The following CDYL2 variants were observed in gnomAD, a reference collection of about 807,000 sequenced individuals.
CDYL2 encodes chromodomain Y-like protein 2.
In CDYL2, 23 loss-of-function variants were observed where a neutral mutation model predicts 49.4. That is an observed-to-expected ratio of 0.47 (90% CI 0.34 to 0.66). The LOEUF is 0.66. Among genes scored for constraint, CDYL2 ranks in the 30% least tolerant of loss-of-function variants. The pLI is 0.01. For synonymous variants in CDYL2, 360 were observed against 268.8 expected (o/e 1.34, Z -3.32); for missense variants, 678 against 656.4 (o/e 1.03, Z -0.36).
chr16:80,753,144 T>G (rs1220309456), intron 1 of CDYL2, among the ~76,000 whole-genome samples: 1 of 152,116 alleles, frequency 6.6e-6, no homozygotes, highest in East Asian at 1.9e-4. Context: ...TAATTTACAC[T>G]TTTCTTTACC....
At chr16:80,652,147 C>A (rs1294904963) in intron 2 of CDYL2, among the ~76,000 whole-genome samples, 1 of 152,064 alleles carries the variant, frequency 6.6e-6, no homozygotes, top group East Asian at 1.9e-4. Context: ...AAGAACATAC[C>A]TGGGGCACAG....
At chr16:80,642,528 G>T (rs1908145490) in intron 2 of CDYL2, among the ~76,000 whole-genome samples, 1 of 152,126 alleles carries the variant, frequency 6.6e-6, no homozygotes, top group Non-Finnish European at 1.5e-5. Context: ...TGAGATATAA[G>T]ATATTATTTG....
intron 1 of CDYL2, among the ~76,000 whole-genome samples, chr16:80,774,903 T>TA (rs71730368): frequency 0.16 from 23,095 of 146,714 alleles, 2,027 homozygotes; most frequent in South Asian, 0.27. Context: ...AGCTAAATAT[T>TA]AAAAAAAAAA....
At chr16:80,714,195 G>C (rs1342126698) in intron 1 of CDYL2, among the ~76,000 whole-genome samples, 1 of 152,112 alleles carries the variant, frequency 6.6e-6, no homozygotes, top group African/African-American at 2.4e-5. Flanking sequence ...CCCTTAGCTT[G>C]ACCCTTGACA....
intron 1 of CDYL2, among the ~76,000 whole-genome samples, chr16:80,754,293 T>A (rs949061527): frequency 1.3e-5 from 2 of 152,040 alleles, no homozygotes; most frequent in Non-Finnish European, 2.9e-5. Context: ...AACCAACAGG[T>A]GGACAGAGCC....
At position 80,620,819 on chromosome 16, in the gene CDYL2, A is replaced by G; in HGVS notation, c.951T>C (p.Ile317=). The G allele has an allele frequency of 3.1e-6, 5 of 1,612,380 alleles. No homozygotes were observed. The highest frequency in any genetic ancestry group is 4.2e-6 in the Non-Finnish European group (5 of 1,178,818). ...TTCGCCGGTCGCTGGACAACCGGCCAATTAGGTAGGAATAATCCAGGCCGC... is the reference window on the plus strand; with the variant it reads ...TTCGCCGGTCGCTGGACAACCGGCCGATTAGGTAGGAATAATCCAGGCCGC... ...FCSGLDYSYL[I]GRLSSDRRKE... Residue 317 remains isoleucine, a synonymous_variant, in exon 4 of 7, where the codon ATT becomes ATC. Coordinates refer to ENST00000570137, the MANE Select transcript of CDYL2 (RefSeq NM_152342.4).
At chr16:80,762,110 C>G (rs559492173) in intron 1 of CDYL2, among the ~76,000 whole-genome samples, 3 of 152,030 alleles carry the variant, frequency 2.0e-5, no homozygotes, top group Non-Finnish European at 2.9e-5. Context: ...CACTTGAGCC[C>G]AGGAAGTCGA....
rs111569334 is a variant in CDYL2 at position 80,674,473 on chromosome 16, C to A, written c.616+10065G>T. ...GCTTTACTGAGATTTATTTTACATA[C>A]TATAAAATTCACCCATATAAAGTGC... On this transcript the variant is annotated intron_variant, in intron 2 of 6. Transcript: ENST00000570137. Among the ~76,000 whole-genome samples, 316 of 152,090 alleles carry A rather than the reference C, an allele frequency of 2.1e-3. 1 individual carries two copies. The highest frequency in any genetic ancestry group is 7.2e-3 in the African/African-American group (299 of 41,488).
At chr16:80,610,595 C>T (rs181114845) in intron 5 of CDYL2, among the ~76,000 whole-genome samples, 1 of 148,384 alleles carries the variant, frequency 6.7e-6, no homozygotes, top group East Asian at 2.0e-4. Flanking sequence ...TAACAAAAAA[C>T]CCATGCTAGA....
At chr16:80,675,604 G>C (rs978119601) in intron 2 of CDYL2, among the ~76,000 whole-genome samples, 2 of 151,986 alleles carry the variant, frequency 1.3e-5, no homozygotes, top group Admixed American at 1.3e-4. Context: ...TGGGGAGAGT[G>C]GCTTTTCACC....
At chr16:80,780,393 ATATC>A (rs1396462951) in intron 1 of CDYL2, among the ~76,000 whole-genome samples, 3 of 148,266 alleles carry the variant, frequency 2.0e-5, no homozygotes, top group Non-Finnish European at 4.5e-5. Flanking sequence ...CAGATGCACA[ATATC>A]TTTTTTTTTT....
At chr16:80,645,140 G>T (rs1450205726) in intron 2 of CDYL2, among the ~76,000 whole-genome samples, 1 of 152,140 alleles carries the variant, frequency 6.6e-6, no homozygotes, top group Non-Finnish European at 1.5e-5. Flanking sequence ...TTGACAAATG[G>T]GATCTAATTA....
intron 1 of CDYL2, among the ~76,000 whole-genome samples, chr16:80,741,596 G>C (rs1905737584): frequency 6.6e-6 from 1 of 152,144 alleles, no homozygotes; most frequent in African/African-American, 2.4e-5. Context: ...CGAAAAAGAA[G>C]TGTGTGAGGG....
chr16:80,667,712 A>G (rs1179814804), intron 2 of CDYL2, among the ~76,000 whole-genome samples: 2 of 152,262 alleles, frequency 1.3e-5, no homozygotes, highest in Non-Finnish European at 2.9e-5. Context: ...ATAAAGACCC[A>G]GTTGGAAAAA....
At chr16:80,747,943 G>A (rs931353845) in intron 1 of CDYL2, among the ~76,000 whole-genome samples, 3 of 151,722 alleles carry the variant, frequency 2.0e-5, no homozygotes, top group Non-Finnish European at 2.9e-5. Flanking sequence ...TCTCAGGCAG[G>A]ATTCTTGAAT....
chr16:80,705,436 C>T (rs1005763278), intron 1 of CDYL2, among the ~76,000 whole-genome samples: 1 of 152,242 alleles, frequency 6.6e-6, no homozygotes, highest in Non-Finnish European at 1.5e-5. Context: ...TCTACAAGAA[C>T]CCACTGCTTC....
At chr16:80,708,080 G>T (rs1302826505) in intron 1 of CDYL2, among the ~76,000 whole-genome samples, 2 of 152,174 alleles carry the variant, frequency 1.3e-5, no homozygotes, top group Non-Finnish European at 2.9e-5. Context: ...ATAGGAGGTT[G>T]TAGAGGATGG....
chr16:80,619,565 G>A (rs1357130842), intron 4 of CDYL2, among the ~76,000 whole-genome samples: 1 of 152,202 alleles, frequency 6.6e-6, no homozygotes, highest in Non-Finnish European at 1.5e-5. Context: ...AGAGAAGCAC[G>A]CTGGAAATCC....
intron 2 of CDYL2, among the ~76,000 whole-genome samples, chr16:80,659,100 G>C (rs886514765): frequency 6.9e-6 from 1 of 143,956 alleles, no homozygotes; most frequent in Non-Finnish European, 1.5e-5. Flanking sequence ...TGGATGGATG[G>C]ACAGACGGAT....
Sources: gnomAD v4.1 joint callset for allele counts (sites outside exome capture counted in the v4.1 genomes callset) on GRCh38, gnomAD v4.1.1 for gene constraint, MANE v1.5 for transcripts, NCBI Gene and HGNC (gene_info 2026-07-23, HGNC 2026-07-21) for gene names.